CD96: variants seen among roughly 807,000 people sequenced by gnomAD.
The protein encoded by CD96 is CD96 molecule.
CD96 carries 70 observed loss-of-function variants against 71.3 expected under a neutral mutation model. The observed-to-expected ratio is 0.98, with a 90% CI of 0.81 to 1.20. The LOEUF is 1.20. Among genes scored for constraint, CD96 ranks in the 50% most tolerant of loss-of-function variants. The probability of loss-of-function intolerance (pLI) is 0.00; values close to 1 mark genes in which losing one functional copy is unlikely to be tolerated. For synonymous variants in CD96, 248 were observed against 233.0 expected (o/e 1.06, Z -0.59); for missense variants, 742 against 677.5 (o/e 1.10, Z -1.06).
chr3:111,612,946 A>ATAAT lies in CD96; in HGVS notation c.1180+6156_1180+6159dup, dbSNP rs537017603. The ATAAT allele has an allele frequency of 1.1e-3, 252 of 224,996 alleles. 2 individuals are homozygous for ATAAT. Among genetic ancestry groups the ATAAT allele is most frequent in the African/African-American group, 5.7e-3 (243 of 42,790 alleles). The allele number at this position is 224,996 out of a possible 1,614,324, so 13.9% of individuals were successfully genotyped here. The stretch of plus-strand genomic sequence containing the variant: ...CCCCCGCCATCAACACTATTATCAT[A>ATAAT]TAATTCTCACTGTAGATATGAATCT... On this transcript the variant is annotated intron_variant, in intron 8 of 13. Coordinates refer to ENST00000352690, the MANE Select transcript of CD96 (RefSeq NM_005816.5).
At chr3:111,632,212 A>G (rs959900913) in intron 10 of CD96, among the ~76,000 whole-genome samples, 1 of 152,222 alleles carries the variant, frequency 6.6e-6, no homozygotes, top group Non-Finnish European at 1.5e-5. Flanking sequence ...AATTTTTGCC[A>G]TCTATCCATC....
intron 5 of CD96, among the ~76,000 whole-genome samples, chr3:111,591,324 G>A (rs868056127): frequency 1.5e-4 from 20 of 131,676 alleles, no homozygotes; most frequent in Middle Eastern, 5.2e-3. Flanking sequence ...AGTGAGCCAA[G>A]ATCGCGCCAC....
chr3:111,579,577 C>T (rs1249862913), intron 4 of CD96: 5 of 339,140 alleles, frequency 1.5e-5, no homozygotes, highest in Admixed American at 7.7e-5. Context: ...GTCGAGGGGA[C>T]GCATCTGGTA....
chr3:111,637,645 T>G (rs138078532), intron 11 of CD96, among the ~76,000 whole-genome samples: 1 of 152,288 alleles, frequency 6.6e-6, no homozygotes, highest in Non-Finnish European at 1.5e-5. Context: ...GAAATTAGTA[T>G]TTTGATCAGC....
At chr3:111,575,886 C>A (rs1373666950) in intron 3 of CD96, among the ~76,000 whole-genome samples, 4 of 152,202 alleles carry the variant, frequency 2.6e-5, no homozygotes, top group African/African-American at 9.7e-5. Context: ...TTAGGCTTCA[C>A]CTCCCAACAC....
intron 8 of CD96, among the ~76,000 whole-genome samples, chr3:111,610,720 G>A (rs1175485569): frequency 4.6e-5 from 7 of 152,340 alleles, no homozygotes; most frequent in African/African-American, 1.4e-4. Flanking sequence ...GTGGCAAGAT[G>A]AGACAAGTCC....
intron 8 of CD96, among the ~76,000 whole-genome samples, chr3:111,613,482 G>A (rs540651383): frequency 2.0e-5 from 3 of 152,352 alleles, no homozygotes; most frequent in South Asian, 4.1e-4. Flanking sequence ...ATGCTGGGCT[G>A]AAGGTCAGTG....
chr3:111,630,408 A>G (rs1352420746), intron 10 of CD96, among the ~76,000 whole-genome samples: 1 of 152,220 alleles, frequency 6.6e-6, no homozygotes. Context: ...AAAAATCTAG[A>G]AGAAATAGAT....
At chr3:111,593,930 AC>A in intron 5 of CD96, 1 of 1,613,720 alleles carries the variant, frequency 6.2e-7, no homozygotes, top group Non-Finnish European at 8.5e-7. Context: ...GCCCACGTTG[AC>A]CCCAGGGCCA....
intron 3 of CD96, among the ~76,000 whole-genome samples, chr3:111,571,449 T>C (rs1283483167): frequency 6.6e-6 from 1 of 151,974 alleles, no homozygotes; most frequent in East Asian, 1.9e-4. Flanking sequence ...TGACAACTGA[T>C]GAGTCACCGT....
chr3:111,641,699 C>G (rs1049083991), intron 12 of CD96, among the ~76,000 whole-genome samples: 3 of 152,194 alleles, frequency 2.0e-5, no homozygotes, highest in Non-Finnish European at 2.9e-5. Flanking sequence ...AATACACACT[C>G]TATTCAACAG....
At chr3:111,584,333 C>A (rs535420674) in intron 4 of CD96, among the ~76,000 whole-genome samples, 32 of 152,282 alleles carry the variant, frequency 2.1e-4, no homozygotes, top group African/African-American at 7.0e-4. Flanking sequence ...CTAGGAGGTT[C>A]CAAACTTTAC....
chr3:111,581,108 C>T (rs1048035205), intron 4 of CD96, among the ~76,000 whole-genome samples: 1 of 152,126 alleles, frequency 6.6e-6, no homozygotes, highest in Non-Finnish European at 1.5e-5. Context: ...TTTTATCACC[C>T]TATTGGATTC....
intron 14 of CD96, among the ~76,000 whole-genome samples, chr3:111,659,714 G>T (rs557600554): frequency 6.6e-6 from 1 of 152,152 alleles, no homozygotes; most frequent in African/African-American, 2.4e-5. Flanking sequence ...ATGCAAGGCT[G>T]GTTTAACATA....
At chr3:111,589,405 T>TC (rs1175280971) in intron 5 of CD96, among the ~76,000 whole-genome samples, 1 of 152,234 alleles carries the variant, frequency 6.6e-6, no homozygotes, top group Non-Finnish European at 1.5e-5. Flanking sequence ...TAAAATTTCC[T>TC]CTTCTCTACC....
chr3:111,608,596 A>G (rs950277134), intron 8 of CD96, among the ~76,000 whole-genome samples: 1 of 152,230 alleles, frequency 6.6e-6, no homozygotes, highest in Non-Finnish European at 1.5e-5. Flanking sequence ...AGTAAGTGAC[A>G]GTGTTTTGCA....
intron 13 of CD96, 29 bp downstream of exon 13, chr3:111,647,695 C>G: frequency 6.6e-7 from 1 of 1,522,396 alleles, no homozygotes; most frequent in South Asian, 1.1e-5. Context: ...TATGTAGGAA[C>G]AGATTAATTT....
chr3:111,554,750 G>T (rs538042697), intron 2 of CD96, among the ~76,000 whole-genome samples: 11 of 152,106 alleles, frequency 7.2e-5, no homozygotes, highest in African/African-American at 2.7e-4. Context: ...GATGATTCAA[G>T]CCTATTACAT....
At chr3:111,584,866 TC>T (rs1223534842) in intron 4 of CD96, among the ~76,000 whole-genome samples, 1 of 152,114 alleles carries the variant, frequency 6.6e-6, no homozygotes, top group African/African-American at 2.4e-5. Context: ...TTTCTCTCCC[TC>T]CCCACCACCC....
Sources: gnomAD v4.1 joint callset for allele counts (sites outside exome capture counted in the v4.1 genomes callset) on GRCh38, gnomAD v4.1.1 for gene constraint, MANE v1.5 for transcripts, NCBI Gene and HGNC (gene_info 2026-07-23, HGNC 2026-07-21) for gene names.